The following DNM3 variants were observed in gnomAD, a reference collection of about 807,000 sequenced individuals.
DNM3 encodes the protein dynamin 3.
In DNM3, 47 loss-of-function variants were observed where a neutral mutation model predicts 101.6. The ratio of observed to expected loss-of-function variants is 0.46; its 90% CI spans 0.37 to 0.59. DNM3 has a LOEUF of 0.59. Ranked by LOEUF, DNM3 falls within the 20% of genes least tolerant of loss-of-function variation. DNM3 has a pLI of 0.00. For missense variants in DNM3, 849 were observed against 1,085.7 expected (o/e 0.78, Z 3.06); for synonymous variants, 385 against 387.9 (o/e 0.99, Z 0.09).
intron 1 of DNM3, among the ~76,000 whole-genome samples, chr1:171,910,706 A>G (rs2039222268): frequency 6.6e-6 from 1 of 152,212 alleles, no homozygotes; most frequent in Non-Finnish European, 1.5e-5. Flanking sequence ...AATGATAGTA[A>G]TGATGATGAT....
intron 1 of DNM3, among the ~76,000 whole-genome samples, chr1:171,852,445 G>A (rs2125002213): frequency 1.3e-5 from 2 of 152,314 alleles, no homozygotes; most frequent in East Asian, 3.9e-4. Flanking sequence ...AATATGCCAG[G>A]AATTGTGTGA....
At chr1:172,066,761 T>A (rs2051702570) in intron 10 of DNM3, among the ~76,000 whole-genome samples, 1 of 152,228 alleles carries the variant, frequency 6.6e-6, no homozygotes, top group African/African-American at 2.4e-5. Flanking sequence ...AAACTGTTAT[T>A]CAAAATGGCT....
chr1:171,914,690 A>G (rs1324097007), intron 1 of DNM3, among the ~76,000 whole-genome samples: 2 of 152,198 alleles, frequency 1.3e-5, no homozygotes, highest in Non-Finnish European at 2.9e-5. Context: ...CATCTTGCCT[A>G]TTCTTTTGGT....
At chr1:172,174,541 A>G (rs897453539) in intron 14 of DNM3, among the ~76,000 whole-genome samples, 1 of 151,704 alleles carries the variant, frequency 6.6e-6, no homozygotes, top group African/African-American at 2.4e-5. Flanking sequence ...TTGTTGATTT[A>G]TCTTCCTTGG....
chr1:172,013,531 T>C (rs1174125392), intron 4 of DNM3, among the ~76,000 whole-genome samples: 1 of 151,964 alleles, frequency 6.6e-6, no homozygotes, highest in African/African-American at 2.4e-5. Context: ...GTAGGGAAAA[T>C]CGAAATATAA....
At chr1:172,334,601 G>A (rs1407575035) in intron 17 of DNM3, among the ~76,000 whole-genome samples, 2 of 152,188 alleles carry the variant, frequency 1.3e-5, no homozygotes, top group Non-Finnish European at 2.9e-5. Context: ...AATTCACTTA[G>A]GATTGGATGA....
intron 2 of DNM3, among the ~76,000 whole-genome samples, chr1:171,986,483 G>T (rs757813273): frequency 6.6e-6 from 1 of 152,014 alleles, no homozygotes; most frequent in Non-Finnish European, 1.5e-5. Flanking sequence ...TCTAACCCTT[G>T]TTGATCTACC....
intron 14 of DNM3, chr1:172,140,674 A>G (rs1286262043): frequency 2.0e-5 from 3 of 152,048 alleles, no homozygotes; most frequent in African/African-American, 7.2e-5. Flanking sequence ...GGCAAGATAT[A>G]AAAATTTTTT....
At chr1:172,201,583 A>G (rs2060154362) in intron 14 of DNM3, among the ~76,000 whole-genome samples, 1 of 152,106 alleles carries the variant, frequency 6.6e-6, no homozygotes, top group African/African-American at 2.4e-5. Context: ...GATGTGTGGG[A>G]CCCATGGGAG....
intron 8 of DNM3, among the ~76,000 whole-genome samples, chr1:172,043,743 A>C: frequency 6.6e-6 from 1 of 152,150 alleles, no homozygotes; most frequent in East Asian, 1.9e-4. Flanking sequence ...TGGACAGACA[A>C]TGAAGCCGGA....
intron 4 of DNM3, among the ~76,000 whole-genome samples, chr1:172,005,134 T>C (rs2046601690): frequency 6.6e-6 from 1 of 152,088 alleles, no homozygotes; most frequent in African/African-American, 2.4e-5. Context: ...TTGTGTGACC[T>C]TGAACAAATT....
At chr1:172,222,447 G>A (rs766783959) in intron 14 of DNM3, among the ~76,000 whole-genome samples, 1 of 152,172 alleles carries the variant, frequency 6.6e-6, no homozygotes, top group Non-Finnish European at 1.5e-5. Context: ...CAAGAAGTTG[G>A]TGAAGAGGCC....
At chr1:172,212,018 T>C (rs146298647) in intron 14 of DNM3, among the ~76,000 whole-genome samples, 160 of 152,278 alleles carry the variant, frequency 1.1e-3, no homozygotes, top group African/African-American at 3.8e-3. Context: ...ATTTGTTGTA[T>C]TTAGCAAAGG....
At chr1:172,020,502 C>T (rs1239077065) in intron 4 of DNM3, among the ~76,000 whole-genome samples, 1 of 151,898 alleles carries the variant, frequency 6.6e-6, no homozygotes, top group East Asian at 1.9e-4. Flanking sequence ...GGGCATATCA[C>T]TAGGTCAGGA....
chr1:171,954,017 G>A (rs2042697681), intron 2 of DNM3, among the ~76,000 whole-genome samples: 1 of 152,108 alleles, frequency 6.6e-6, no homozygotes, highest in African/African-American at 2.4e-5. Context: ...ATCCCTGTGG[G>A]CTCAACCTAG....
At chr1:172,143,569 A>G (rs1342984820) in intron 14 of DNM3, among the ~76,000 whole-genome samples, 2 of 152,106 alleles carry the variant, frequency 1.3e-5, no homozygotes, top group African/African-American at 4.8e-5. Flanking sequence ...TGACCAAAGA[A>G]AACTTCTGCC....
chr1:172,173,020 T>C (rs185138491), intron 14 of DNM3, among the ~76,000 whole-genome samples: 4 of 151,972 alleles, frequency 2.6e-5, no homozygotes, highest in Admixed American at 2.6e-4. Flanking sequence ...GGTGAATAGC[T>C]CTGGAAGGGG....
chr1:172,289,690 T>C (rs1403650919), intron 15 of DNM3: 3 of 984,654 alleles, frequency 3.0e-6, no homozygotes, highest in Non-Finnish European at 3.6e-6. Context: ...GTGTACCTGA[T>C]TGTGATTTTG....
At chr1:172,344,794 A>C (rs1359581362) in intron 17 of DNM3, among the ~76,000 whole-genome samples, 2 of 152,248 alleles carry the variant, frequency 1.3e-5, no homozygotes, top group African/African-American at 4.8e-5. Flanking sequence ...TAGACGAGGA[A>C]TCACTTCAAA....
Sources: allele counts gnomAD v4.1 joint callset (sites outside exome capture counted in the v4.1 genomes callset), GRCh38; gene constraint gnomAD v4.1.1; transcripts MANE v1.5; gene names NCBI Gene and HGNC (gene_info 2026-07-23, HGNC 2026-07-21).